Variants in ARHGEF16 observed in about 807,000 individuals in gnomAD.
The protein encoded by ARHGEF16 is Rho guanine nucleotide exchange factor 16, also known as Rho guanine exchange factor (GEF) 16.
In ARHGEF16, 59 loss-of-function variants were observed where a neutral mutation model predicts 74.1. The observed-to-expected ratio is 0.80, with a 90% CI of 0.65 to 0.99. ARHGEF16 has a LOEUF of 0.99. Ranked by LOEUF, ARHGEF16 falls within the 50% of genes least tolerant of loss-of-function variation. The pLI is 0.00. For missense variants in ARHGEF16, 948 were observed against 986.6 expected (o/e 0.96, Z 0.52); for synonymous variants, 415 against 412.6 (o/e 1.01, Z -0.07).
Position 3,480,955 on chromosome 1 carries a change from TCTC to T in ARHGEF16, c.*374_*376del, listed in dbSNP as rs1467441469. 3 of 255,814 alleles carry T rather than the reference TCTC, an allele frequency of 1.2e-5. No homozygotes were observed. The highest frequency in any genetic ancestry group is 9.2e-5 in the East Asian group (1 of 10,918). 15.8% of individuals were successfully genotyped at this position (255,814 alleles called of 1,614,324 possible). A position where few individuals can be genotyped will look rare whatever the true frequency, so the allele number is the denominator to read the frequency against. On this transcript the variant is annotated 3_prime_UTR_variant, in exon 15 of 15. Transcript: ENST00000378378. The stretch of plus-strand genomic sequence containing the variant: ...AGCGATTATTGGGGGCAATGCGAGG[TCTC>T]CTCCTATGCCCTTCCTACCCCTGAG...
chr1:3,478,865 T>G (rs1338559446), intron 12 of ARHGEF16, among the ~76,000 whole-genome samples: 3 of 121,224 alleles, frequency 2.5e-5, no homozygotes, highest in African/African-American at 6.3e-5. Flanking sequence ...GGAAACGAGG[T>G]GGGGGGTGGG....
rs61734742 is a variant in ARHGEF16, at chr1:3,478,610, C to A, written c.1812C>A (p.Ser604=). 125,224 of 1,604,602 alleles carry A rather than the reference C, an allele frequency of 0.078. 6,481 individuals are homozygous for A. The highest frequency in any genetic ancestry group is 0.2 in the Admixed American group (12,084 of 59,486). ...AGCAGCTCCTGCTCTCCTCGGACTC[C>A]GCGTAAGTGGGCTCCCGGGAGGGCT... ...RQEQLLLSSD[S]ASDRARWIVA... is the part of the protein sequence containing the mutation. The change falls in exon 12 of 15, where the codon TCC becomes TCA. Residue 604 remains serine (S), a splice_region_variant and synonymous_variant. Transcript: ENST00000378378.
chr1:3,478,501 C>T lies in ARHGEF16; in HGVS notation c.1703C>T (p.Pro568Leu). Residue 568 changes from proline (P) to leucine (L), a missense_variant, in exon 12 of 15, where the codon CCT (proline) becomes CTT (leucine). Transcript: ENST00000378378. ...GAGAAGATAGAGCCGTCTGAGCTCC[C>T]TCTGCCCGGGGGCGGCAACCGTAGC... ...QVEKIEPSELPLPGGGNRSSS... is the reference protein window; with the variant it reads ...QVEKIEPSELLLPGGGNRSSS... 6.2e-7 allele frequency: 1 copy of T among 1,612,694 alleles called. No individual in the cohort carries two copies. The highest frequency in any genetic ancestry group is 8.5e-7 in the Non-Finnish European group (1 of 1,179,874).
chr1:3,466,386 GA>G, intron 3 of ARHGEF16, among the ~76,000 whole-genome samples, 193 bp downstream of exon 3: 1 of 152,244 alleles, frequency 6.6e-6, no homozygotes, highest in South Asian at 2.1e-4. Flanking sequence ...GAAAGGTCTA[GA>G]AAGTTCCCTT....
intron 4 of ARHGEF16, 85 bp from the exon 5 acceptor site, chr1:3,468,795 T>A: frequency 6.8e-7 from 1 of 1,480,266 alleles, no homozygotes; most frequent in East Asian, 2.5e-5. Flanking sequence ...TTGGCCCTGG[T>A]CCATCAGGAG....
chr1:3,479,539 G>C lies in ARHGEF16; in HGVS notation c.1837G>C (p.Val613Leu). ...DSASDRARWI[V>L]ALTHSERQWQ... ...CAGGAGTGACCGGGCACGGTGGATC[G>C]TGGCGCTCACACACAGTGAGAGACA... The change falls in exon 13 of 15, where the codon GTG (valine) becomes CTG (leucine). Residue 613 changes from valine to leucine, a missense_variant. Transcript: ENST00000378378. 1 of 1,612,610 alleles carries C rather than the reference G, an allele frequency of 6.2e-7. No homozygotes were observed. Among genetic ancestry groups the C allele is most frequent in the Non-Finnish European group, 8.5e-7 (1 of 1,179,900 alleles).
chr1:3,463,020 C>T, intron 1 of ARHGEF16, 46 bp from the exon 2 acceptor site: 3 of 1,346,108 alleles, frequency 2.2e-6, no homozygotes, highest in Non-Finnish European at 3.0e-6. Context: ...CCCGCGGGGG[C>T]AGGGGAGAGC....
At chr1:3,470,979 TGTGTGCGTGGGCAGGG>T (rs1639702852) in intron 6 of ARHGEF16, among the ~76,000 whole-genome samples, 1 of 143,272 alleles carries the variant, frequency 7.0e-6, no homozygotes, top group Non-Finnish European at 1.5e-5. Flanking sequence ...GCCAGGGGTG[TGTGTGCGTGGGCAGGG>T]GTGTGCGTGG....
At chr1:3,471,549 GA>G in intron 6 of ARHGEF16, 1 of 843,164 alleles carries the variant, frequency 1.2e-6, no homozygotes, top group Non-Finnish European at 1.5e-6. Flanking sequence ...GGGGGAGGGG[GA>G]GGGGTCTGGG....
intron 4 of ARHGEF16, 111 bp from the exon 5 acceptor site, chr1:3,468,769 G>T (rs1569856564): frequency 7.9e-7 from 1 of 1,257,938 alleles, no homozygotes; most frequent in East Asian, 2.5e-5. Flanking sequence ...TGAGCCCTGT[G>T]GGGTGGCTGT....
At chr1:3,469,895 G>A (rs1013095146) in intron 6 of ARHGEF16, among the ~76,000 whole-genome samples, 1 of 152,220 alleles carries the variant, frequency 6.6e-6, no homozygotes, top group Non-Finnish European at 1.5e-5. Context: ...CCACCAGGAC[G>A]TCCAGGCACA....
chr1:3,476,879 G>A (rs770355363), intron 10 of ARHGEF16, among the ~76,000 whole-genome samples: 20 of 152,074 alleles, frequency 1.3e-4, no homozygotes, highest in Non-Finnish European at 2.5e-4. Context: ...GCGTCAGGGC[G>A]GTGACTTCGC....
chr1:3,471,790 G>T, intron 6 of ARHGEF16: 1 of 1,098,344 alleles, frequency 9.1e-7, no homozygotes, highest in Non-Finnish European at 1.1e-6. Flanking sequence ...TCGCTATTTG[G>T]GGTAAGCGGC....
At position 3,480,583 on chromosome 1, in the gene ARHGEF16, T is replaced by G. The variant is rs1016535839; in HGVS notation, c.2126T>G (p.Val709Gly). The change falls in exon 15 of 15, where the codon GTG (valine) becomes GGG (glycine). Residue 709 changes from valine (V) to glycine (G), a missense_variant. Physicochemically the swap from Val to Gly is moderately radical, Grantham distance 109. Transcript: ENST00000378378. ...RMERLRVETDV is the reference protein window; with the variant it reads ...RMERLRVETDG Reference sequence around the variant, plus strand: ...GAGCGTCTGCGGGTGGAGACGGACGTGTAGCCCTGGCGAGGCCAGCCGGCG... The same window carrying G: ...GAGCGTCTGCGGGTGGAGACGGACGGGTAGCCCTGGCGAGGCCAGCCGGCG... The G allele has an allele frequency of 8.1e-6, 13 of 1,606,206 alleles. No individual in the cohort carries two copies. Among genetic ancestry groups the G allele is most frequent in the Non-Finnish European group, 1.1e-5 (13 of 1,179,400 alleles).
intron 6 of ARHGEF16, among the ~76,000 whole-genome samples, chr1:3,471,246 G>C (rs1244532748): frequency 6.6e-6 from 1 of 152,080 alleles, no homozygotes; most frequent in Non-Finnish European, 1.5e-5. Context: ...GCTAACCTGA[G>C]GGGCGGTGCC....
chr1:3,469,389 G>T, intron 5 of ARHGEF16, 44 bp from the exon 6 acceptor site: 1 of 1,606,268 alleles, frequency 6.2e-7, no homozygotes, highest in Non-Finnish European at 8.5e-7. Flanking sequence ...AGGCACGCCC[G>T]TGTCCAGCGT....
chr1:3,472,398 C>CTGGT, intron 6 of ARHGEF16, among the ~76,000 whole-genome samples: 1 of 152,320 alleles, frequency 6.6e-6, no homozygotes. Context: ...AGGTGAGGGG[C>CTGGT]TGGTAGCCCC....
At chr1:3,463,730 G>C (rs1166809197) in intron 2 of ARHGEF16, 58 bp downstream of exon 2, 12 of 1,313,668 alleles carry the variant, frequency 9.1e-6, no homozygotes, top group Non-Finnish European at 8.9e-6. Context: ...GGGGCGGCCT[G>C]GCCGTCTCCA....
chr1:3,471,633 G>T (rs922332761), intron 6 of ARHGEF16: 6 of 1,185,980 alleles, frequency 5.1e-6, no homozygotes, highest in Non-Finnish European at 5.4e-6. Flanking sequence ...TGTGTCCTCC[G>T]GTCCCCTCTG....
Sources: allele counts gnomAD v4.1 joint callset (sites outside exome capture counted in the v4.1 genomes callset), GRCh38; gene constraint gnomAD v4.1.1; transcripts MANE v1.5; gene names NCBI Gene and HGNC (gene_info 2026-07-23, HGNC 2026-07-21).